SHLD2: variants seen among roughly 807,000 people sequenced by gnomAD.
SHLD2 encodes RINN1-REV7-interacting novel NHEJ regulator 2.
In SHLD2, 30 loss-of-function variants were observed where a neutral mutation model predicts 73.2. The ratio of observed to expected loss-of-function variants is 0.41; its 90% confidence interval spans 0.31 to 0.56. The LOEUF (loss-of-function observed/expected upper bound fraction) is 0.56, where lower values mean the gene tolerates loss of function less well. Among genes scored for constraint, SHLD2 ranks in the 20% least tolerant of loss-of-function variants. The pLI is 0.28. For missense variants in SHLD2, 745 were observed against 1,055.9 expected (o/e 0.71, Z 4.08); for synonymous variants, 285 against 370.1 (o/e 0.77, Z 2.64).
chr10:87,117,345 G>C (rs531554656), intron 2 of SHLD2, among the ~76,000 whole-genome samples: 24 of 152,284 alleles, frequency 1.6e-4, no homozygotes, highest in Admixed American at 1.6e-3. Context: ...CTTGAACCTG[G>C]GAGGTGGAAG....
intron 2 of SHLD2, among the ~76,000 whole-genome samples, chr10:87,143,338 G>A (rs1397400292): frequency 1.3e-5 from 2 of 152,074 alleles, no homozygotes; most frequent in African/African-American, 4.8e-5. Context: ...CGTGACATTG[G>A]ACAAATGACA....
intron 2 of SHLD2, among the ~76,000 whole-genome samples, chr10:87,120,250 A>ATTTTT (rs1169348965): frequency 2.1e-4 from 31 of 148,456 alleles, no homozygotes; most frequent in African/African-American, 7.5e-4. Flanking sequence ...TTATTTATTT[A>ATTTTT]TTTATTTATT....
At position 87,151,670 on chromosome 10, in the gene SHLD2, A is replaced by C. The variant is rs138542761; in HGVS notation, c.316A>C (p.Lys106Gln). ...TGAAACACAGAATATAGAATCCCAG[A>C]AGATTCACTCCTCTAGACTGAGTGA... ...VSETQNIESQ[K>Q]IHSSRLSDIT... The change falls in exon 3 of 10, where the codon AAG becomes CAG. Residue 106 changes from lysine (K) to glutamine (Q), a missense_variant. Coordinates refer to ENST00000298786, the MANE Select transcript of SHLD2 (RefSeq NM_001330112.2). The C allele has an allele frequency of 1.2e-3, 1,920 of 1,611,800 alleles. 34 individuals carry two copies. The East Asian group carries it at 0.036, about 30-fold the overall frequency.
chr10:87,095,173 T>TCGGGG (rs1841719796), upstream of SHLD2: 1 of 11,220 alleles, frequency 8.9e-5, no homozygotes, highest in Non-Finnish European at 2.1e-4. Context: ...TCGGGGCGGG[T>TCGGGG]CGGGGCGGGT....
At position 87,170,351 on chromosome 10, in the gene SHLD2, A is replaced by G. The variant is rs552767285; in HGVS notation, c.1634-127A>G. On this transcript the variant is annotated intron_variant, in intron 4 of 9. Transcript: ENST00000298786. ...CTTAGCTATTGTACATGTTTTAGAG[A>G]AAGCAAAACTATATTTTATATCTAA... The G allele has an allele frequency of 1.9e-5, 12 of 646,254 alleles. No homozygotes were observed. The East Asian group carries it at 2.9e-4, about 15-fold the overall frequency. The allele number at this position is 646,254 out of a possible 1,614,324, so 40.0% of individuals were successfully genotyped here.
chr10:87,152,001 C>T lies in SHLD2; in HGVS notation c.647C>T (p.Ser216Leu), dbSNP rs141861704. Residue 216 changes from serine to leucine, a missense_variant, in exon 3 of 10, where the codon TCG (serine) becomes TTG (leucine). By Grantham distance (145) the Ser-to-Leu change is moderately radical. This residue lies in a region of SHLD2 where 280 missense variants were observed against 353.9 expected (regional missense o/e 0.79). Coordinates refer to ENST00000298786, the MANE Select transcript of SHLD2 (RefSeq NM_001330112.2). ...IQNQCLGLFSSNAVDKSRSEA... is the reference protein window; with the variant it reads ...IQNQCLGLFSLNAVDKSRSEA... The stretch of plus-strand genomic sequence containing the variant: ...AACCAGTGTTTGGGATTATTTTCCT[C>T]GAACGCAGTAGATAAGTCAAGGTCT... 2.6e-5 allele frequency: 42 copies of T among 1,611,848 alleles called. No individual in the cohort carries two copies. Among genetic ancestry groups the T allele is most frequent in the African/African-American group, 6.7e-5 (5 of 74,960 alleles).
chr10:87,119,799 G>A (rs1233453916), intron 2 of SHLD2, among the ~76,000 whole-genome samples: 1 of 149,412 alleles, frequency 6.7e-6, no homozygotes, highest in African/African-American at 2.5e-5. Flanking sequence ...AAAAAATCAT[G>A]TATATAGGAC....
chr10:87,094,781 G>T, upstream of SHLD2: 1 of 1,530,540 alleles, frequency 6.5e-7, no homozygotes, highest in Middle Eastern at 2.1e-4. This position sits in a 1 kb window ranked among gnomAD's most constrained non-coding sequence, Gnocchi z 6.6. Flanking sequence ...GCCACAAGCG[G>T]AGGGGAGGTG....
intron 4 of SHLD2, among the ~76,000 whole-genome samples, chr10:87,169,562 CAAAT>C (rs1847440259): frequency 6.6e-6 from 1 of 152,296 alleles, no homozygotes; most frequent in East Asian, 1.9e-4. Context: ...AGAAGAAACA[CAAAT>C]CAGTTTATGG....
At chr10:87,154,405 C>T (rs1486540948) in intron 3 of SHLD2, 1 of 144,236 alleles carries the variant, frequency 6.9e-6, no homozygotes, top group African/African-American at 2.6e-5. Context: ...TTTTTTGAGA[C>T]AGTCTTGCTC....
chr10:87,099,186 G>T (rs1842105304), intron 2 of SHLD2, among the ~76,000 whole-genome samples: 1 of 152,216 alleles, frequency 6.6e-6, no homozygotes, highest in Non-Finnish European at 1.5e-5. Flanking sequence ...TTCTGCCTTA[G>T]AGTTTTCCTT....
chr10:87,123,186 C>A (rs1843745037), intron 2 of SHLD2, among the ~76,000 whole-genome samples: 1 of 152,232 alleles, frequency 6.6e-6, no homozygotes, highest in Admixed American at 6.5e-5. Context: ...AGATTACAGG[C>A]ATGAGTCCCA....
chr10:87,114,282 T>C (rs1438966765), intron 2 of SHLD2: 1 of 152,206 alleles, frequency 6.6e-6, no homozygotes, highest in Non-Finnish European at 1.5e-5. Context: ...GTGAGTGATG[T>C]GTTTCAATTT....
At chr10:87,166,903 A>C (rs1362553757) in intron 4 of SHLD2, among the ~76,000 whole-genome samples, 2 of 151,958 alleles carry the variant, frequency 1.3e-5, no homozygotes, top group Admixed American at 1.3e-4. Context: ...TAAAAGATAC[A>C]AGTTTAGTCT....
intron 3 of SHLD2, among the ~76,000 whole-genome samples, chr10:87,154,872 T>C (rs1846288045): frequency 6.6e-6 from 1 of 152,190 alleles, no homozygotes; most frequent in South Asian, 2.1e-4. Flanking sequence ...TACCAAATAG[T>C]TTACAGGAGG....
At chr10:87,188,942 CT>C (rs1293356391) in intron 9 of SHLD2, among the ~76,000 whole-genome samples, 2 of 150,072 alleles carry the variant, frequency 1.3e-5, no homozygotes, top group Non-Finnish European at 3.0e-5. Flanking sequence ...CATTTTTATT[CT>C]TTTGGCTATT....
chr10:87,117,759 C>T (rs1440221044), intron 2 of SHLD2, among the ~76,000 whole-genome samples: 2 of 152,122 alleles, frequency 1.3e-5, no homozygotes, highest in African/African-American at 4.8e-5. Flanking sequence ...TGTGCCACTG[C>T]GCTCCAACCT....
chr10:87,107,094 CAAAA>C (rs1554827009), intron 2 of SHLD2, among the ~76,000 whole-genome samples: 9 of 110,534 alleles, frequency 8.1e-5, no homozygotes, highest in East Asian at 2.4e-4. Flanking sequence ...CAATAATTGG[CAAAA>C]AAAAAAAAAA....
At chr10:87,101,672 G>A (rs1437284647) in intron 2 of SHLD2, among the ~76,000 whole-genome samples, 1 of 152,238 alleles carries the variant, frequency 6.6e-6, no homozygotes, top group African/African-American at 2.4e-5. Context: ...ACTTGGGGAG[G>A]CTGAGGTGGG....
Sources: gnomAD v4.1 joint callset for allele counts (sites outside exome capture counted in the v4.1 genomes callset) on GRCh38, gnomAD v4.1.1 for gene constraint, gnomAD v4.1.1 regional missense constraint, Gnocchi (gnomAD v3.1) non-coding constraint, MANE v1.5 for transcripts, NCBI Gene and HGNC (gene_info 2026-07-23, HGNC 2026-07-21) for gene names.